Variants in SPMAP2L observed in about 807,000 individuals in gnomAD.
SPMAP2L encodes the protein sperm microtubule associated protein 2-like.
the SPMAP2L span, among the ~76,000 whole-genome samples, chr4:56,562,378 C>A: frequency 6.6e-6 from 1 of 151,590 alleles, no homozygotes; most frequent in African/African-American, 2.4e-5. Flanking sequence ...CAAAAGGAAT[C>A]TTTAGTGTGT....
At chr4:56,596,519 T>C in the SPMAP2L span, 1 of 1,527,110 alleles carries the variant, frequency 6.5e-7, no homozygotes, top group Middle Eastern at 1.7e-4. Context: ...AAGATTTCAC[T>C]TTCTACCCTG....
chr4:56,591,328 C>T, the SPMAP2L span, among the ~76,000 whole-genome samples: 58 of 152,164 alleles, frequency 3.8e-4, no homozygotes, highest in Non-Finnish European at 7.1e-4. Context: ...GCCATGCCAC[C>T]TGTACACCCT....
At chr4:56,562,974 A>C in the SPMAP2L span, among the ~76,000 whole-genome samples, 1 of 151,916 alleles carries the variant, frequency 6.6e-6, no homozygotes, top group Admixed American at 6.6e-5. Context: ...ATTTTGTAGC[A>C]TATGTAACAT....
the SPMAP2L span, among the ~76,000 whole-genome samples, chr4:56,575,248 C>CAAA: frequency 7.1e-6 from 1 of 140,036 alleles, no homozygotes. Flanking sequence ...GACTCCATCT[C>CAAA]AAAAAAAAAA....
chr4:56,536,593 G>GA, the SPMAP2L span, among the ~76,000 whole-genome samples: 4 of 152,168 alleles, frequency 2.6e-5, no homozygotes, highest in Non-Finnish European at 5.9e-5. Flanking sequence ...TTGAATGAAA[G>GA]ATCTCTTCAT....
chr4:56,536,709 A>C, the SPMAP2L span, among the ~76,000 whole-genome samples: 4 of 152,184 alleles, frequency 2.6e-5, no homozygotes, highest in Non-Finnish European at 5.9e-5. Flanking sequence ...GATGTGGTAC[A>C]TTGTAAGTGC....
chr4:56,550,096 T>A, the SPMAP2L span, among the ~76,000 whole-genome samples: 1 of 152,334 alleles, frequency 6.6e-6, no homozygotes, highest in South Asian at 2.1e-4. Flanking sequence ...ATTGTTTAGC[T>A]CATTTACATG....
At chr4:56,589,746 GTTTTGTTTTTTT>G in the SPMAP2L span, among the ~76,000 whole-genome samples, 5 of 150,426 alleles carry the variant, frequency 3.3e-5, no homozygotes, top group Admixed American at 6.6e-5. Context: ...GTGTGGGGGG[GTTTTGTTTTTTT>G]GTTTTATTTT....
the SPMAP2L span, chr4:56,593,926 G>C: frequency 6.2e-7 from 1 of 1,608,816 alleles, no homozygotes; most frequent in Non-Finnish European, 8.5e-7. Context: ...AAGGTCTCAA[G>C]CGAGCAGGGC....
chr4:56,584,835 C>T, the SPMAP2L span, among the ~76,000 whole-genome samples: 11 of 152,140 alleles, frequency 7.2e-5, no homozygotes, highest in African/African-American at 2.7e-4. Flanking sequence ...AGAGATTAGC[C>T]CTTCAGCAAC....
At chr4:56,581,414 C>T in the SPMAP2L span, among the ~76,000 whole-genome samples, 128 of 152,066 alleles carry the variant, frequency 8.4e-4, 2 homozygotes, top group Non-Finnish European at 4.4e-4. Context: ...GAGACCACAT[C>T]ATTGCACTCC....
chr4:56,587,039 A>G, the SPMAP2L span, among the ~76,000 whole-genome samples: 2 of 152,182 alleles, frequency 1.3e-5, no homozygotes, highest in African/African-American at 4.8e-5. Context: ...TTCAAATTTA[A>G]AAGTTGATTT....
chr4:56,534,254 G>A, the SPMAP2L span, among the ~76,000 whole-genome samples: 2 of 152,162 alleles, frequency 1.3e-5, no homozygotes, highest in Non-Finnish European at 2.9e-5. Context: ...GCTGCCTTGT[G>A]AAATTCAATG....
At chr4:56,593,382 C>A in the SPMAP2L span, 3 of 1,286,242 alleles carry the variant, frequency 2.3e-6, no homozygotes, top group Middle Eastern at 1.9e-4. Context: ...CTGGAGTCCT[C>A]ATTGAGCTGA....
chr4:56,624,559 G>T, the SPMAP2L span, among the ~76,000 whole-genome samples: 7 of 152,280 alleles, frequency 4.6e-5, no homozygotes, highest in East Asian at 3.9e-4. Context: ...CAGGCCCAGG[G>T]TCCCCATGCT....
At chr4:56,531,282 A>G in the SPMAP2L span, 3 of 1,350,690 alleles carry the variant, frequency 2.2e-6, no homozygotes, top group Middle Eastern at 4.4e-4. Context: ...GGAGGTTTGC[A>G]TGCAAGAGCT....
At chr4:56,555,684 G>C in the SPMAP2L span, among the ~76,000 whole-genome samples, 3 of 151,530 alleles carry the variant, frequency 2.0e-5, no homozygotes. Flanking sequence ...TATTTTTTTG[G>C]AATTATGCTT....
At chr4:56,580,058 A>G in the SPMAP2L span, among the ~76,000 whole-genome samples, 1 of 152,126 alleles carries the variant, frequency 6.6e-6, no homozygotes. Flanking sequence ...ACACTTTCCA[A>G]CTCATTCTAT....
At chr4:56,543,947 AGAGTGT>A in the SPMAP2L span, among the ~76,000 whole-genome samples, 7 of 126,512 alleles carry the variant, frequency 5.5e-5, no homozygotes, top group African/African-American at 2.2e-4. Context: ...AGAGAGAGAG[AGAGTGT>A]GTGTGTGTGT....
Sources: gnomAD v4.1 joint callset for allele counts (sites outside exome capture counted in the v4.1 genomes callset) on GRCh38, gnomAD v4.1.1 for gene constraint, MANE v1.5 for transcripts, NCBI Gene and HGNC (gene_info 2026-07-23, HGNC 2026-07-21) for gene names.